Variants in GRIK1 observed in about 807,000 individuals in gnomAD.
GRIK1 encodes the protein glutamate ionotropic receptor kainate type subunit 1.
GRIK1 carries 69 observed loss-of-function variants against 105.7 expected under a neutral mutation model. That is an observed-to-expected ratio of 0.65 (90% CI 0.54 to 0.80). GRIK1 has a LOEUF of 0.80. Among genes scored for constraint, GRIK1 ranks in the 30% least tolerant of loss-of-function variants. GRIK1 has a pLI of 0.00. For missense variants in GRIK1, 1,109 were observed against 1,167.3 expected (o/e 0.95, Z 0.73); for synonymous variants, 438 against 431.3 (o/e 1.02, Z -0.19).
intron 7 of GRIK1, among the ~76,000 whole-genome samples, chr21:29,627,544 G>C (rs1408440105): frequency 6.6e-6 from 1 of 152,156 alleles, no homozygotes; most frequent in Non-Finnish European, 1.5e-5. Context: ...ATTTGGGTTG[G>C]TACACATGGC....
At chr21:29,872,804 G>A (rs2069064967) in intron 1 of GRIK1, among the ~76,000 whole-genome samples, 1 of 152,182 alleles carries the variant, frequency 6.6e-6, no homozygotes, top group East Asian at 1.9e-4. Context: ...AGCATGGGAA[G>A]ACCCACCCCC....
chr21:29,734,646 C>A (rs75205840), intron 1 of GRIK1, among the ~76,000 whole-genome samples: 8,958 of 151,984 alleles, frequency 0.059, 302 homozygotes, highest in African/African-American at 0.067. Context: ...AGATCCACCC[C>A]CCTGGGCCTC....
intron 3 of GRIK1, among the ~76,000 whole-genome samples, chr21:29,677,356 C>G (rs1410524189): frequency 6.6e-6 from 1 of 152,186 alleles, no homozygotes; most frequent in Non-Finnish European, 1.5e-5. Context: ...ATTGGAAATG[C>G]AACTTTGGTT....
At chr21:29,838,494 C>T (rs950434882) in intron 1 of GRIK1, among the ~76,000 whole-genome samples, 1 of 152,188 alleles carries the variant, frequency 6.6e-6, no homozygotes, top group Admixed American at 6.5e-5. Context: ...GTAAGTGACT[C>T]CTGCCCCTAC....
At chr21:29,597,332 T>A (rs2061434756) in intron 8 of GRIK1, among the ~76,000 whole-genome samples, 1 of 152,218 alleles carries the variant, frequency 6.6e-6, no homozygotes, top group Non-Finnish European at 1.5e-5. Context: ...ACCAATGCAA[T>A]GTGCATAATA....
intron 1 of GRIK1, among the ~76,000 whole-genome samples, chr21:29,886,037 GA>G (rs1174387173): frequency 5.9e-5 from 9 of 152,028 alleles, no homozygotes; most frequent in Non-Finnish European, 1.5e-5. Flanking sequence ...TCTTCCTATA[GA>G]TTTAGAATGT....
At chr21:29,622,371 G>A (rs371967674) in intron 7 of GRIK1, among the ~76,000 whole-genome samples, 3 of 152,190 alleles carry the variant, frequency 2.0e-5, no homozygotes, top group East Asian at 1.9e-4. Context: ...AGTACTCTAC[G>A]TTGGAAGACA....
chr21:29,560,574 T>TTCTTTCTTTCTTTCTTTCTC (rs1601116875), intron 15 of GRIK1, among the ~76,000 whole-genome samples: 1 of 124,108 alleles, frequency 8.1e-6, no homozygotes, highest in East Asian at 2.2e-4. Context: ...CTTTCTTTCT[T>TTCTTTCTTTCTTTCTTTCTC]TCTCTCTTTC....
At chr21:29,538,109 T>C (rs1354132517) in intron 16 of GRIK1, among the ~76,000 whole-genome samples, 1 of 152,206 alleles carries the variant, frequency 6.6e-6, no homozygotes, top group Non-Finnish European at 1.5e-5. Flanking sequence ...GCATTGCAAT[T>C]ATGCTATATC....
At chr21:29,835,111 T>A (rs2067753402) in intron 1 of GRIK1, among the ~76,000 whole-genome samples, 1 of 152,168 alleles carries the variant, frequency 6.6e-6, no homozygotes, top group Admixed American at 6.5e-5. Flanking sequence ...CGCACTTAAC[T>A]CAATATTATT....
chr21:29,689,664 G>A, intron 3 of GRIK1, 64 bp downstream of exon 3: 2 of 1,439,504 alleles, frequency 1.4e-6, no homozygotes, highest in Non-Finnish European at 1.9e-6. Context: ...ATGACTATTT[G>A]ATACTTTCGT....
intron 7 of GRIK1, among the ~76,000 whole-genome samples, chr21:29,611,973 G>A (rs2061739758): frequency 5.9e-5 from 9 of 152,190 alleles, no homozygotes; most frequent in Admixed American, 5.9e-4. Flanking sequence ...AAGAGCCTCT[G>A]CTCTGGCTTC....
At chr21:29,860,726 TA>T (rs2068609755) in intron 1 of GRIK1, among the ~76,000 whole-genome samples, 1 of 152,286 alleles carries the variant, frequency 6.6e-6, no homozygotes, top group African/African-American at 2.4e-5. Flanking sequence ...TTTATATATT[TA>T]AAAAAATTTA....
intron 1 of GRIK1, among the ~76,000 whole-genome samples, chr21:29,787,620 T>C (rs1242421139): frequency 6.6e-6 from 1 of 152,232 alleles, no homozygotes; most frequent in Non-Finnish European, 1.5e-5. Context: ...ATATTTATCC[T>C]AATATAATTA....
At position 29,613,093 on chromosome 21, in the gene GRIK1, G is replaced by A. The variant is rs867750914; in HGVS notation, c.1099-14156C>T. Among the ~76,000 whole-genome samples, 7 of 152,170 alleles carry A rather than the reference G, an allele frequency of 4.6e-5. No homozygotes were observed. The South Asian group carries it at 1.2e-3, about 27-fold the overall frequency. On this transcript the variant is annotated intron_variant, in intron 7 of 17. Coordinates refer to ENST00000327783, the MANE Select transcript of GRIK1 (RefSeq NM_001330994.2). ...AAAAATTAATAGTCTTTATCTAGTC[G>A]TTGTGAAAATGAAAAGAGATAGTGC...
chr21:29,695,478 A>ATATC (rs2063683161), intron 1 of GRIK1, among the ~76,000 whole-genome samples: 1 of 146,724 alleles, frequency 6.8e-6, no homozygotes, highest in Non-Finnish European at 1.5e-5. Flanking sequence ...CTATCTATCT[A>ATATC]TATATATATA....
At chr21:29,774,573 T>A (rs574680112) in intron 1 of GRIK1, among the ~76,000 whole-genome samples, 40 of 150,642 alleles carry the variant, frequency 2.7e-4, no homozygotes, top group Non-Finnish European at 5.5e-4. Context: ...TGCCTCAACC[T>A]TCTGGATAGC....
At chr21:29,654,594 TAAAAGA>T (rs2062809430) in intron 5 of GRIK1, among the ~76,000 whole-genome samples, 1 of 150,382 alleles carries the variant, frequency 6.6e-6, no homozygotes, top group African/African-American at 2.5e-5. Context: ...TGATACTAGT[TAAAAGA>T]AAAAGAAAGA....
At chr21:29,774,129 C>CTGCAGAGAATTATAATATACT (rs2065882449) in intron 1 of GRIK1, among the ~76,000 whole-genome samples, 1 of 152,134 alleles carries the variant, frequency 6.6e-6, no homozygotes, top group Non-Finnish European at 1.5e-5. Context: ...ATTTCTTATT[C>CTGCAGAGAATTATAATATACT]TGCAGAGAAT....
Sources: gnomAD v4.1 joint callset for allele counts (sites outside exome capture counted in the v4.1 genomes callset) on GRCh38, gnomAD v4.1.1 for gene constraint, MANE v1.5 for transcripts, NCBI Gene and HGNC (gene_info 2026-07-23, HGNC 2026-07-21) for gene names.